Variants in GTF3C5 observed in about 807,000 individuals in gnomAD.
GTF3C5 encodes general transcription factor IIIC subunit 5.
GTF3C5 carries 47 observed loss-of-function variants against 61.0 expected under a neutral mutation model. The observed-to-expected ratio is 0.77, with a 90% CI of 0.61 to 0.98. The LOEUF (loss-of-function observed/expected upper bound fraction) is 0.98. Ranked by LOEUF, GTF3C5 falls within the 50% of genes least tolerant of loss-of-function variation. The pLI is 0.00. For missense variants in GTF3C5, 659 were observed against 703.3 expected, an observed-to-expected ratio of 0.94 and a Z score of 0.71; for synonymous variants, 295 against 275.4, an observed-to-expected ratio of 1.07 and a Z score of -0.71.
chr9:133,036,806 A>G (rs1849876609), intron 1 of GTF3C5, among the ~76,000 whole-genome samples: 2 of 152,134 alleles, frequency 1.3e-5, no homozygotes, highest in Admixed American at 6.5e-5. Flanking sequence ...GTTTTAGGCA[A>G]AGTTAAGAAG....
rs764807148 is a variant in GTF3C5 at position 133,057,890 on chromosome 9, T to TGAGGAGGAGGAGGAA, written c.1485_1499dup (p.Glu495_Glu499dup). The TGAGGAGGAGGAGGAA allele has an allele frequency of 3.1e-6, 5 of 1,612,546 alleles. No individual in the cohort carries two copies. Among genetic ancestry groups the TGAGGAGGAGGAGGAA allele is most frequent in the Non-Finnish European group, 4.2e-6 (5 of 1,179,272 alleles). ...ACGAGTCTGGGGAAGACGAGGAGGA[T>TGAGGAGGAGGAGGAA]GAGGAGGAGGAGGAAGAGGAGGAGG... On this transcript the variant is annotated inframe_insertion, in exon 11 of 11. Coordinates refer to ENST00000372097, the MANE Select transcript of GTF3C5 (RefSeq NM_012087.4).
chr9:133,031,774 C>T (rs1399432190), intron 1 of GTF3C5, among the ~76,000 whole-genome samples: 3 of 152,096 alleles, frequency 2.0e-5, no homozygotes, highest in East Asian at 3.9e-4. Flanking sequence ...AGGGTTGGAC[C>T]GCACAGTCTA....
At chr9:133,052,682 CAG>C (rs1429377522) in intron 5 of GTF3C5, among the ~76,000 whole-genome samples, 2 of 152,138 alleles carry the variant, frequency 1.3e-5, no homozygotes, top group Non-Finnish European at 2.9e-5. Context: ...CCAGGCCTCA[CAG>C]AGCATTAGGG....
In GTF3C5 at chr9:133,058,288, A is replaced by C; in HGVS notation, c.*308A>C. The C allele has an allele frequency of 8.8e-6, 4 of 456,856 alleles. No individual in the cohort carries two copies. Among genetic ancestry groups the C allele is most frequent in the Non-Finnish European group, 6.4e-6 (2 of 313,320 alleles). 28.3% of individuals were successfully genotyped at this position (456,856 alleles called of 1,614,324 possible). A position where few individuals can be genotyped will look rare whatever the true frequency, so the allele number is the denominator to read the frequency against. ...ATGCCTCTCAGGATGAGACCAGTAA[A>C]TGCCGGAGGTGGAGCTGGGCAGCTG... On this transcript the variant is annotated 3_prime_UTR_variant, in exon 11 of 11. Coordinates refer to ENST00000372097, the MANE Select transcript of GTF3C5 (RefSeq NM_012087.4).
At chr9:133,040,963 C>T (rs539483424) in intron 1 of GTF3C5, among the ~76,000 whole-genome samples, 76 of 152,324 alleles carry the variant, frequency 5.0e-4, no homozygotes, top group South Asian at 2.1e-3. Context: ...AATCCTCGCT[C>T]TATAATCATA....
At chr9:133,054,363 C>T (rs573621755) in intron 6 of GTF3C5, 45 bp from the exon 7 acceptor site, 49 of 1,507,586 alleles carry the variant, frequency 3.3e-5, no homozygotes, top group African/African-American at 3.0e-4. Context: ...TGTGTGCCGA[C>T]GGGCCCTGTG....
chr9:133,054,256 T>C, intron 6 of GTF3C5, 152 bp from the exon 7 acceptor site: 1 of 651,412 alleles, frequency 1.5e-6, no homozygotes, highest in Non-Finnish European at 2.7e-6. Context: ...TGCTGAGATG[T>C]GTTGGTGACC....
In GTF3C5 at chr9:133,057,768, G is replaced by A. The variant is rs749212569; in HGVS notation, c.1394-46G>A. The A allele has an allele frequency of 2.4e-5, 36 of 1,521,688 alleles. No individual in the cohort carries two copies. In the South Asian group the frequency reaches 2.9e-4, roughly 12 times the overall value. The allele number at this position is 1,521,688 out of a possible 1,614,324, so 94.3% of individuals were successfully genotyped here. A position where few individuals can be genotyped will look rare whatever the true frequency, so the allele number is the denominator to read the frequency against. On this transcript the variant is annotated intron_variant, in intron 10 of 10. Coordinates refer to ENST00000372097, the MANE Select transcript of GTF3C5 (RefSeq NM_012087.4). Reference sequence around the variant, plus strand: ...CCTGGTGGCCTTTCTGGGGCCACCCGGCAGCCTGCATGGGACACCCATGGC... The same window carrying A: ...CCTGGTGGCCTTTCTGGGGCCACCCAGCAGCCTGCATGGGACACCCATGGC...
At position 133,047,044 on chromosome 9, in the gene GTF3C5, C is replaced by T. The variant is rs1271077110; in HGVS notation, c.572+3118C>T. On this transcript the variant is annotated intron_variant, in intron 3 of 10. Coordinates refer to ENST00000372097, the MANE Select transcript of GTF3C5 (RefSeq NM_012087.4). Reference sequence around the variant, plus strand: ...GTAGCCCCCACGTGCCCATCAGGAGCGTCCAGTGAGCAACATTCTGCTCCT... The same window carrying T: ...GTAGCCCCCACGTGCCCATCAGGAGTGTCCAGTGAGCAACATTCTGCTCCT... 4.6e-5 allele frequency among the ~76,000 whole-genome samples: 7 copies of T among 152,118 alleles called. No individual in the cohort carries two copies. The South Asian group carries it at 8.3e-4, about 18-fold the overall frequency.
Position 133,056,770 on chromosome 9 carries a change from CAGA to C in GTF3C5, c.1259_1261del (p.Lys420del), listed in dbSNP as rs1416544685. ...CAACCCTCTCCCCACCCCCAGGTTG[CAGA>C]AGATCATTCACCGCAATGACGGGGC... On this transcript the variant is annotated inframe_deletion, in exon 10 of 11. Coordinates refer to ENST00000372097, the MANE Select transcript of GTF3C5 (RefSeq NM_012087.4). 1 of 1,601,308 alleles carries C rather than the reference CAGA, an allele frequency of 6.2e-7. No individual in the cohort carries two copies. Among genetic ancestry groups the C allele is most frequent in the Non-Finnish European group, 8.5e-7 (1 of 1,173,360 alleles).
chr9:133,034,994 T>C (rs993997844), intron 1 of GTF3C5, among the ~76,000 whole-genome samples: 1 of 152,148 alleles, frequency 6.6e-6, no homozygotes, highest in Non-Finnish European at 1.5e-5. Context: ...TCTCTAAGAC[T>C]AATTTGGTTA....
At chr9:133,045,327 C>T (rs973477446) in intron 3 of GTF3C5, among the ~76,000 whole-genome samples, 2 of 152,200 alleles carry the variant, frequency 1.3e-5, no homozygotes, top group Non-Finnish European at 2.9e-5. Flanking sequence ...CGCCACGTCC[C>T]GCCGGCAGCA....
At chr9:133,043,971 G>C (rs765990020) in intron 3 of GTF3C5, 45 bp downstream of exon 3, 2 of 1,427,604 alleles carry the variant, frequency 1.4e-6, no homozygotes, top group African/African-American at 2.8e-5. Context: ...TCCTGAAAAT[G>C]GGATGGTCCG....
chr9:133,042,097 A>T lies in GTF3C5; in HGVS notation c.164A>T (p.Asp55Val). 5 of 1,612,982 alleles carry T rather than the reference A, an allele frequency of 3.1e-6. No individual in the cohort carries two copies. Among genetic ancestry groups the T allele is most frequent in the Non-Finnish European group, 4.2e-6 (5 of 1,179,644 alleles). The change falls in exon 2 of 11, where the codon GAC (aspartate) becomes GTC (valine). Residue 55 changes from aspartate to valine, a missense_variant. By Grantham distance (152) the Asp-to-Val change is radical. Transcript: ENST00000372097. Reference sequence around the variant, plus strand: ...TTGGCCTTGCCACAGATCTACGCAGACCCCACCAAGAGGCTGGAGCTGTAC... The same window carrying T: ...TTGGCCTTGCCACAGATCTACGCAGTCCCCACCAAGAGGCTGGAGCTGTAC... ...GEEGVSRIYA[D>V]PTKRLELYFR...
Position 133,058,050 on chromosome 9 carries a change from C to A in GTF3C5, c.*70C>A. The A allele has an allele frequency of 6.3e-7, 1 of 1,593,330 alleles. No homozygotes were observed. The highest frequency in any genetic ancestry group is 2.2e-5 in the East Asian group (1 of 44,638). ...TGGCCTAATGAGGGAGCCGGGGCTC[C>A]CCATTGCCACCCACAGTGCCCGGAA... On this transcript the variant is annotated 3_prime_UTR_variant, in exon 11 of 11. Coordinates refer to ENST00000372097, the MANE Select transcript of GTF3C5 (RefSeq NM_012087.4).
intron 1 of GTF3C5, among the ~76,000 whole-genome samples, chr9:133,037,190 C>T (rs1239104631): frequency 6.6e-6 from 1 of 152,134 alleles, no homozygotes; most frequent in Non-Finnish European, 1.5e-5. Context: ...TGTCCTCAGA[C>T]AAGGGGCATG....
In GTF3C5 at chr9:133,042,325, T is replaced by G; in HGVS notation, c.373+19T>G. The G allele has an allele frequency of 2.0e-6, 3 of 1,487,044 alleles. No homozygotes were observed. The highest frequency in any genetic ancestry group is 2.8e-6 in the Non-Finnish European group (3 of 1,064,248). The allele number at this position is 1,487,044 out of a possible 1,614,324, so 92.1% of individuals were successfully genotyped here. The stretch of plus-strand genomic sequence containing the variant: ...TTTCAGGGTAACTGAAATCTGCTCT[T>G]GCAATGTCTGGTTATTTCAGGGCTG... On this transcript the variant is annotated intron_variant, in intron 2 of 10. Transcript: ENST00000372097.
intron 6 of GTF3C5, 111 bp from the exon 7 acceptor site, chr9:133,054,297 C>A: frequency 2.4e-6 from 2 of 851,006 alleles, no homozygotes; most frequent in Admixed American, 4.0e-5. Context: ...CTGGGGTTGC[C>A]CTCTCAGGAG....
intron 2 of GTF3C5, 143 bp downstream of exon 2, chr9:133,042,449 C>G (rs1039227157): frequency 3.5e-5 from 22 of 633,744 alleles, no homozygotes; most frequent in African/African-American, 3.1e-4. Context: ...GGGCACAGGC[C>G]CCATCCAGGA....
Sources: gnomAD v4.1 joint callset for allele counts (sites outside exome capture counted in the v4.1 genomes callset) on GRCh38, gnomAD v4.1.1 for gene constraint, MANE v1.5 for transcripts, NCBI Gene and HGNC (gene_info 2026-07-23, HGNC 2026-07-21) for gene names.